Variants in MYO7B observed in about 807,000 individuals in gnomAD.
The protein encoded by MYO7B is myosin VIIB.
MYO7B carries 212 observed loss-of-function variants against 259.7 expected under a neutral mutation model. The ratio of observed to expected loss-of-function variants is 0.82; its 90% CI spans 0.73 to 0.91. The LOEUF (loss-of-function observed/expected upper bound fraction) is 0.91, where lower values mean the gene tolerates loss of function less well. Among genes scored for constraint, MYO7B ranks in the 40% least tolerant of loss-of-function variants. The pLI, the probability that MYO7B is intolerant of heterozygous loss-of-function variation, is 0.00. For synonymous variants in MYO7B, 1,197 were observed against 1,166.4 expected (o/e 1.03, Z -0.54); for missense variants, 2,732 against 2,813.5 (o/e 0.97, Z 0.66).
In MYO7B at chr2:127,637,500, C is replaced by T. The variant is rs1396402598; in HGVS notation, c.*83C>T. 2.7e-5 allele frequency: 29 copies of T among 1,093,438 alleles called. No homozygotes were observed. Among genetic ancestry groups the T allele is most frequent in the Non-Finnish European group, 3.1e-5 (24 of 782,154 alleles). The allele number at this position is 1,093,438 out of a possible 1,614,324, so 67.7% of individuals were successfully genotyped here. ...CTTCCCAGGCCCTCTCAACCCAGGG[C>T]CTGTCCTTGGCGGGCAGCCTTCCAT... On this transcript the variant is annotated 3_prime_UTR_variant, in exon 48 of 48. Coordinates refer to ENST00000409816, the MANE Select transcript of MYO7B (RefSeq NM_001393586.1).
At chr2:127,573,500 G>A (rs1678732935) in intron 6 of MYO7B, among the ~76,000 whole-genome samples, 1 of 152,164 alleles carries the variant, frequency 6.6e-6, no homozygotes, top group African/African-American at 2.4e-5. Context: ...CCTGCAACCT[G>A]AGCCATCTTT....
chr2:127,596,921 C>T (rs1029285298), intron 19 of MYO7B, among the ~76,000 whole-genome samples: 1 of 152,202 alleles, frequency 6.6e-6, no homozygotes, highest in African/African-American at 2.4e-5. Context: ...TGCCTGGGTT[C>T]CCTGGTCAGT....
intron 17 of MYO7B, among the ~76,000 whole-genome samples, chr2:127,593,184 C>T (rs1036279858): frequency 6.6e-6 from 1 of 152,238 alleles, no homozygotes; most frequent in African/African-American, 2.4e-5. Flanking sequence ...GCAGCGGTTC[C>T]TTCTGGAACA....
intron 1 of MYO7B, among the ~76,000 whole-genome samples, chr2:127,538,610 G>A (rs549815544): frequency 1.3e-5 from 2 of 151,634 alleles, no homozygotes; most frequent in Admixed American, 6.6e-5. Context: ...CTGTTGCCCA[G>A]GCTGGAGGGC....
chr2:127,600,815 A>G (rs927962798), intron 19 of MYO7B, among the ~76,000 whole-genome samples: 2 of 152,076 alleles, frequency 1.3e-5, no homozygotes, highest in African/African-American at 4.8e-5. Flanking sequence ...AATTTCCTTA[A>G]TTTCTGCTCT....
intron 9 of MYO7B, 69 bp downstream of exon 9, chr2:127,578,355 T>G: frequency 6.3e-7 from 1 of 1,577,280 alleles, no homozygotes; most frequent in Non-Finnish European, 8.7e-7. Flanking sequence ...CAGGAAGGCA[T>G]CTCTAGGGGT....
chr2:127,560,585 C>G (rs1257652696), intron 2 of MYO7B, among the ~76,000 whole-genome samples: 4 of 152,198 alleles, frequency 2.6e-5, no homozygotes, highest in African/African-American at 9.7e-5. Context: ...CCCTGGGAGG[C>G]AGGGACAGGC....
intron 1 of MYO7B, among the ~76,000 whole-genome samples, chr2:127,551,305 G>C (rs1003422059): frequency 6.6e-6 from 1 of 152,144 alleles, no homozygotes. Flanking sequence ...CACAATGTTG[G>C]CTGAGCTATG....
chr2:127,544,994 G>A (rs948293047), intron 1 of MYO7B, among the ~76,000 whole-genome samples: 1 of 152,184 alleles, frequency 6.6e-6, no homozygotes, highest in African/African-American at 2.4e-5. Flanking sequence ...CAAAGTGCTG[G>A]GATTACAGGT....
chr2:127,614,248 G>C lies in MYO7B; in HGVS notation c.3398+1645G>C, dbSNP rs1680490501. Among the ~76,000 whole-genome samples the C allele has an allele frequency of 6.6e-6, 1 of 152,150 alleles. No individual in the cohort carries two copies. The highest frequency in any genetic ancestry group is 1.5e-5 in the Non-Finnish European group (1 of 68,036). On this transcript the variant is annotated intron_variant, in intron 26 of 47. Coordinates refer to ENST00000409816, the MANE Select transcript of MYO7B (RefSeq NM_001393586.1). This position sits in a 1 kb window ranked among gnomAD's most constrained non-coding sequence, Gnocchi z 4.6. ...TGATACTGTCCAACACTGATCCCTT[G>C]AGACTTCCTACTGACTCTAGGCTGA...
At chr2:127,545,854 C>A (rs570932564) in intron 1 of MYO7B, among the ~76,000 whole-genome samples, 1 of 152,360 alleles carries the variant, frequency 6.6e-6, no homozygotes, top group African/African-American at 2.4e-5. Context: ...TGGACCCTGG[C>A]AGGCCCTCTC....
At chr2:127,593,020 A>G in intron 17 of MYO7B, 74 bp downstream of exon 17, 1 of 1,516,834 alleles carries the variant, frequency 6.6e-7, no homozygotes, top group Non-Finnish European at 8.9e-7. Context: ...TCCAGCCCCC[A>G]GTACCGAGGG....
chr2:127,552,865 A>G (rs139573923), intron 1 of MYO7B, among the ~76,000 whole-genome samples: 6 of 152,302 alleles, frequency 3.9e-5, no homozygotes, highest in African/African-American at 1.4e-4. Context: ...CTGCATTTTT[A>G]TACAGGTTCT....
chr2:127,629,677 G>A lies in MYO7B; in HGVS notation c.4657G>A (p.Asp1553Asn), dbSNP rs774335797. Residue 1553 changes from aspartate (D) to asparagine (N), a missense_variant, in exon 35 of 48, where the codon GAC (aspartate) becomes AAC (asparagine). Asp to Asn is a conservative substitution (Grantham distance 23, BLOSUM62 1). This residue lies in a region of MYO7B where 821 missense variants were observed against 769.3 expected (regional missense o/e 1.07). Coordinates refer to ENST00000409816, the MANE Select transcript of MYO7B (RefSeq NM_001393586.1). The part of the protein sequence containing the change: ...DTTLLAFKKG[D>N]LLVLTKKQGL... Reference sequence around the variant, plus strand: ...CACCCTCCTGGCCTTCAAGAAGGGGGACCTGTTGGTCCTCACAAAGAAGCA... The same window carrying A: ...CACCCTCCTGGCCTTCAAGAAGGGGAACCTGTTGGTCCTCACAAAGAAGCA... The A allele has an allele frequency of 1.9e-6, 3 of 1,612,370 alleles. No individual in the cohort carries two copies. In the South Asian group the frequency reaches 3.3e-5, roughly 18 times the overall value.
chr2:127,624,120 C>T lies in MYO7B; in HGVS notation c.3847C>T (p.His1283Tyr), dbSNP rs755289307. Reference protein sequence around the residue: ...KFWSLGSGRDHMMDAIARCEQ... With the variant: ...KFWSLGSGRDYMMDAIARCEQ... ...CTGGTCCCTGGGCAGCGGGCGCGAC[C>T]ACATGATGGATGCCATCGCCCGGTG... The change falls in exon 30 of 48, where the codon CAC becomes TAC. Residue 1283 changes from histidine to tyrosine, a missense_variant. This residue lies in a region of MYO7B where 1,906 missense variants were observed against 2,026.4 expected (regional missense o/e 0.94). Transcript: ENST00000409816. The T allele has an allele frequency of 1.9e-6, 3 of 1,584,774 alleles. No homozygotes were observed. Among genetic ancestry groups the T allele is most frequent in the Non-Finnish European group, 2.6e-6 (3 of 1,166,394 alleles).
intron 1 of MYO7B, among the ~76,000 whole-genome samples, chr2:127,538,634 C>T (rs966252741): frequency 2.6e-5 from 4 of 151,546 alleles, no homozygotes; most frequent in Admixed American, 6.6e-5. Flanking sequence ...GGCATGATCT[C>T]GGCTCACTGC....
In MYO7B at chr2:127,609,980, C is replaced by T. The variant is rs369453315; in HGVS notation, c.3156C>T (p.His1052=). ...RQIHDTLGRE[H]GAQVPQHSRS... The stretch of plus-strand genomic sequence containing the variant: ...TCCATGACACGCTGGGCAGGGAGCA[C>T]GGTGCCCAGGTTCCACAGCACAGTA... The change falls in exon 24 of 48, where the codon CAC becomes CAT. Residue 1052 remains histidine, a synonymous_variant. Transcript: ENST00000409816. The surrounding 1 kb of genome is among the most constrained non-coding windows in gnomAD (Gnocchi z 6.9). The T allele has an allele frequency of 1.9e-4, 312 of 1,608,230 alleles. No individual in the cohort carries two copies. Among genetic ancestry groups the T allele is most frequent in the Non-Finnish European group, 2.2e-4 (263 of 1,177,586 alleles).
chr2:127,557,603 T>C (rs1359356636), intron 1 of MYO7B, among the ~76,000 whole-genome samples: 1 of 152,152 alleles, frequency 6.6e-6, no homozygotes, highest in African/African-American at 2.4e-5. Flanking sequence ...GTTCCCCTGA[T>C]GTAGTACTCT....
rs748347582 is a variant in MYO7B, at chr2:127,592,957, C to T, written c.2145+11C>T. 32 of 1,576,184 alleles carry T rather than the reference C, an allele frequency of 2.0e-5. No homozygotes were observed. Among genetic ancestry groups the T allele is most frequent in the Non-Finnish European group, 2.7e-5 (31 of 1,161,936 alleles). ...GCCATGCGGATGCAGGTCAGCGCCC[C>T]TCGGGGACGGTCACCTCTGGCCATC... On this transcript the variant is annotated intron_variant, in intron 17 of 47. Transcript: ENST00000409816.
Sources: gnomAD v4.1 joint callset for allele counts (sites outside exome capture counted in the v4.1 genomes callset) on GRCh38, gnomAD v4.1.1 for gene constraint, gnomAD v4.1.1 regional missense constraint, Gnocchi (gnomAD v3.1) non-coding constraint, MANE v1.5 for transcripts, NCBI Gene and HGNC (gene_info 2026-07-23, HGNC 2026-07-21) for gene names.